Variants in SYT14 observed in about 807,000 individuals in gnomAD.
The protein encoded by SYT14 is synaptotagmin 14.
Under a neutral mutation model 74.2 loss-of-function variants are expected in SYT14, and 32 were observed. That is an observed-to-expected ratio of 0.43 (90% confidence interval 0.33 to 0.58). SYT14 has a LOEUF of 0.58. SYT14 is among the 20% of genes least tolerant of loss of function. The pLI, the probability that SYT14 is intolerant of heterozygous loss-of-function variation, is 0.05. For synonymous variants in SYT14, 298 were observed against 337.7 expected, an observed-to-expected ratio of 0.88 and a Z score of 1.29; for missense variants, 791 against 981.8, an observed-to-expected ratio of 0.81 and a Z score of 2.60.
exon 4 of SYT14, chr1:210,016,056 T>TTAG (rs2080176214): frequency 8.1e-7 from 1 of 1,231,936 alleles, no homozygotes; most frequent in South Asian, 4.1e-5. Context: ...TCCTCTCTAG[T>TTAG]AGACACAATC....
At chr1:210,051,793 A>G (rs1021623482) in intron 5 of SYT14, among the ~76,000 whole-genome samples, 1 of 152,176 alleles carries the variant, frequency 6.6e-6, no homozygotes, top group Non-Finnish European at 1.5e-5. Flanking sequence ...TTCAGCCAGT[A>G]TCCCACGTTC....
At chr1:209,943,340 A>G (rs1349478849) in intron 1 of SYT14, among the ~76,000 whole-genome samples, 2 of 151,926 alleles carry the variant, frequency 1.3e-5, no homozygotes, top group African/African-American at 4.8e-5. Context: ...CCTTGTCTCT[A>G]CTAAAAATAC....
chr1:209,944,702 A>C (rs11119372), intron 1 of SYT14, among the ~76,000 whole-genome samples: 1 of 151,874 alleles, frequency 6.6e-6, no homozygotes, highest in Non-Finnish European at 1.5e-5. Flanking sequence ...AGGAATTCCA[A>C]TTTGGGAGGA....
intron 7 of SYT14, among the ~76,000 whole-genome samples, chr1:210,134,296 G>A (rs2082736814): frequency 1.3e-5 from 2 of 151,900 alleles, no homozygotes; most frequent in Admixed American, 6.6e-5. Context: ...TGTAGAGACA[G>A]GAGTCTCACT....
In SYT14 at chr1:210,096,930, C is replaced by T. The variant is rs571041513; in HGVS notation, c.1584+2337C>T. Among the ~76,000 whole-genome samples, 7 of 152,316 alleles carry T rather than the reference C, an allele frequency of 4.6e-5. No individual in the cohort carries two copies. The South Asian group carries it at 1.4e-3, about 32-fold the overall frequency. On this transcript the variant is annotated intron_variant, in intron 6 of 9. Transcript: ENST00000637265. ...AATATCGTATGAATTCTGCCTATGT[C>T]TCACAAGCTGCTTCTTTACTCACTA...
intron 5 of SYT14, among the ~76,000 whole-genome samples, chr1:210,073,941 TTTA>T (rs2081442200): frequency 1.3e-5 from 2 of 151,966 alleles, no homozygotes; most frequent in South Asian, 2.1e-4. Flanking sequence ...ACAGATGAAA[TTTA>T]TTATTTCAAG....
chr1:210,100,571 C>T (rs898704613), intron 7 of SYT14, 110 bp downstream of exon 6: 2 of 1,054,000 alleles, frequency 1.9e-6, no homozygotes, highest in Non-Finnish European at 2.9e-6. Context: ...TATTTTTTTA[C>T]ATAGTAATCA....
intron 1 of SYT14, among the ~76,000 whole-genome samples, chr1:209,952,366 C>G (rs1337405537): frequency 6.6e-6 from 1 of 152,044 alleles, no homozygotes; most frequent in Non-Finnish European, 1.5e-5. Context: ...TGTTAAGGCT[C>G]AGATACAAAA....
At chr1:210,156,899 G>T in intron 8 of SYT14, 1 of 392,544 alleles carries the variant, frequency 2.5e-6, no homozygotes, top group Non-Finnish European at 5.3e-6. Context: ...TCACCATGTT[G>T]ATCAAGCTGG....
At chr1:210,113,472 A>G (rs1191040062) in intron 7 of SYT14, among the ~76,000 whole-genome samples, 1 of 151,250 alleles carries the variant, frequency 6.6e-6, no homozygotes, top group Non-Finnish European at 1.5e-5. Context: ...AATTGTAAGG[A>G]GAGTTTATAG....
intron 1 of SYT14, among the ~76,000 whole-genome samples, chr1:209,946,278 C>A (rs151177496): frequency 1.3e-5 from 2 of 152,168 alleles, no homozygotes; most frequent in Non-Finnish European, 2.9e-5. Flanking sequence ...ATGATTAATC[C>A]TAGTGAGGAA....
exon 10 of SYT14, chr1:210,162,244 G>A (rs751117941): frequency 2.3e-6 from 1 of 428,794 alleles, no homozygotes; most frequent in South Asian, 1.7e-5. Flanking sequence ...TGCCTTTCAT[G>A]TAAGTTAAAT....
intron 5 of SYT14, among the ~76,000 whole-genome samples, chr1:210,087,495 C>G (rs1251401528): frequency 1.3e-5 from 2 of 152,138 alleles, no homozygotes; most frequent in Non-Finnish European, 2.9e-5. Context: ...GGCTCTGTTG[C>G]CCCAGGCCAG....
At chr1:210,034,211 G>GTTAA (rs2080603946) in intron 5 of SYT14, among the ~76,000 whole-genome samples, 1 of 151,704 alleles carries the variant, frequency 6.6e-6, no homozygotes. Flanking sequence ...TAGGTCTAAG[G>GTTAA]TTAATACAAG....
chr1:210,111,762 A>G (rs2082266762), intron 7 of SYT14, among the ~76,000 whole-genome samples: 1 of 151,326 alleles, frequency 6.6e-6, no homozygotes, highest in African/African-American at 2.5e-5. Flanking sequence ...GGAGAAAAAC[A>G]GATATTAAAG....
chr1:210,142,955 A>G (rs552606182), intron 7 of SYT14, among the ~76,000 whole-genome samples: 17 of 152,232 alleles, frequency 1.1e-4, no homozygotes, highest in Non-Finnish European at 8.8e-5. Flanking sequence ...CTGTTTTATA[A>G]CGGAGAAAAA....
chr1:210,146,694 A>ATATG (rs996802146), intron 7 of SYT14, among the ~76,000 whole-genome samples: 17 of 151,538 alleles, frequency 1.1e-4, no homozygotes, highest in African/African-American at 4.1e-4. Context: ...TATGTAGTAT[A>ATATG]TATGGTCTAT....
In SYT14 at chr1:210,159,410, C is replaced by T; in HGVS notation, c.2225-11C>T. 1 of 1,551,326 alleles carries T rather than the reference C, an allele frequency of 6.4e-7. No individual in the cohort carries two copies. Among genetic ancestry groups the T allele is most frequent in the Non-Finnish European group, 8.7e-7 (1 of 1,146,736 alleles). On this transcript the variant is annotated splice_polypyrimidine_tract_variant and intron_variant, in intron 8 of 9. Transcript: ENST00000637265. ...TTATTTCTTTTACTGCTTTCCACCC[C>T]CTGTTGTCAGATGGACTGTTCTGTT...
At chr1:209,975,361 A>G (rs1434193151) in intron 2 of SYT14, among the ~76,000 whole-genome samples, 2 of 152,270 alleles carry the variant, frequency 1.3e-5, no homozygotes, top group East Asian at 3.9e-4. Context: ...GACAGCTCTT[A>G]TTATTTTGAG....
Sources: allele counts gnomAD v4.1 joint callset (sites outside exome capture counted in the v4.1 genomes callset), GRCh38; gene constraint gnomAD v4.1.1; transcripts MANE v1.5; gene names NCBI Gene and HGNC (gene_info 2026-07-23, HGNC 2026-07-21).